ALKBH1: variants seen among roughly 807,000 people sequenced by gnomAD.
ALKBH1 encodes the protein nucleic acid dioxygenase ALKBH1.
A neutral mutation model predicts 36.6 loss-of-function variants in ALKBH1; 31 were observed. That is an observed-to-expected ratio of 0.85 (90% CI 0.64 to 1.14). The LOEUF is 1.14. ALKBH1 is among the 50% of genes most tolerant of loss of function. ALKBH1 has a pLI of 0.00. For synonymous variants in ALKBH1, 183 were observed against 186.6 expected (o/e 0.98, Z 0.16); for missense variants, 490 against 497.3 (o/e 0.99, Z 0.14).
intron 3 of ALKBH1, among the ~76,000 whole-genome samples, chr14:77,685,800 T>A (rs549225705): frequency 3.0e-4 from 46 of 152,198 alleles, no homozygotes; most frequent in Middle Eastern, 3.4e-3. Flanking sequence ...GTTTTTGCGT[T>A]ATATTATAGA....
intron 3 of ALKBH1, among the ~76,000 whole-genome samples, chr14:77,687,726 T>C (rs61992917): frequency 0.1 from 15,549 of 152,140 alleles, 934 homozygotes; most frequent in African/African-American, 0.15. Flanking sequence ...TTCTTCTGTT[T>C]TTCCTCATAT....
rs1237563563 is a variant in ALKBH1, at chr14:77,708,000, C to G, written c.5G>C (p.Gly2Ala). The G allele has an allele frequency of 2.5e-6, 4 of 1,609,242 alleles. No individual in the cohort carries two copies. The highest frequency in any genetic ancestry group is 1.7e-5 in the Admixed American group (1 of 59,532). The change falls in exon 1 of 6, where the codon GGG becomes GCG. Residue 2 changes from glycine to alanine, a missense_variant. Gly to Ala is a moderately conservative substitution (Grantham distance 60, BLOSUM62 0). Coordinates refer to ENST00000216489, the MANE Select transcript of ALKBH1 (RefSeq NM_006020.3). ...AGAGCCCACGGCCGCTGCCATCTTC[C>G]CCATCTCGCGGCCTATACCCTCTGA... is the stretch of plus-strand genomic sequence containing the variant. M[G>A]KMAAAVGSVA...
At chr14:77,703,198 G>C (rs2139866680) in intron 2 of ALKBH1, among the ~76,000 whole-genome samples, 1 of 152,210 alleles carries the variant, frequency 6.6e-6, no homozygotes, top group African/African-American at 2.4e-5. Flanking sequence ...ACCCGGGCTG[G>C]TCGCAAATTC....
intron 4 of ALKBH1, among the ~76,000 whole-genome samples, chr14:77,677,078 C>T (rs533099989): frequency 2.6e-5 from 4 of 151,018 alleles, no homozygotes; most frequent in African/African-American, 9.7e-5. Context: ...CTCGTTCTGT[C>T]ACCCAGGCTG....
At chr14:77,678,417 T>C (rs1050823153) in intron 4 of ALKBH1, among the ~76,000 whole-genome samples, 1 of 152,252 alleles carries the variant, frequency 6.6e-6, no homozygotes, top group African/African-American at 2.4e-5. Context: ...TGGCTGAAAC[T>C]GTGGAGCTTT....
chr14:77,690,798 A>C (rs2080292767), intron 3 of ALKBH1, among the ~76,000 whole-genome samples: 1 of 151,514 alleles, frequency 6.6e-6, no homozygotes, highest in Non-Finnish European at 1.5e-5. Flanking sequence ...AGATGTTTAC[A>C]CATAACTCTT....
At chr14:77,687,479 T>C (rs1007688139) in intron 3 of ALKBH1, among the ~76,000 whole-genome samples, 19 of 145,006 alleles carry the variant, frequency 1.3e-4, no homozygotes, top group Non-Finnish European at 9.1e-5. Flanking sequence ...ACCCTGCTTA[T>C]ACCTCACCTC....
chr14:77,691,442 ACT>A (rs1171413521), intron 3 of ALKBH1, among the ~76,000 whole-genome samples: 2 of 152,046 alleles, frequency 1.3e-5, no homozygotes, highest in African/African-American at 4.8e-5. Context: ...GTTCTGAGAG[ACT>A]CTGGCAAAGT....
chr14:77,681,469 G>T (rs1442285579), intron 3 of ALKBH1, among the ~76,000 whole-genome samples: 1 of 152,208 alleles, frequency 6.6e-6, no homozygotes, highest in Admixed American at 6.5e-5. Flanking sequence ...CACTCATCTT[G>T]ATGTTTGACG....
At chr14:77,699,842 C>T (rs940461918) in intron 2 of ALKBH1, among the ~76,000 whole-genome samples, 2 of 152,098 alleles carry the variant, frequency 1.3e-5, no homozygotes, top group African/African-American at 4.8e-5. Context: ...ATCACGAGGT[C>T]AGGAGATCAA....
At chr14:77,690,144 G>A (rs61992919) in intron 3 of ALKBH1, among the ~76,000 whole-genome samples, 18,753 of 152,120 alleles carry the variant, frequency 0.12, 1,496 homozygotes, top group African/African-American at 0.22. Context: ...TTGATCTAAG[G>A]GAAGAGCTTC....
chr14:77,691,259 C>A (rs988366071), intron 3 of ALKBH1, among the ~76,000 whole-genome samples: 4 of 151,974 alleles, frequency 2.6e-5, no homozygotes, highest in African/African-American at 9.7e-5. Flanking sequence ...TCAAGTATTT[C>A]TTCTTCATTT....
intron 4 of ALKBH1, among the ~76,000 whole-genome samples, chr14:77,676,450 T>C (rs2080206560): frequency 6.6e-6 from 1 of 152,192 alleles, no homozygotes; most frequent in African/African-American, 2.4e-5. Flanking sequence ...GAGACAGTTC[T>C]ATTAGGGTAA....
chr14:77,678,070 A>G (rs1447272665), intron 4 of ALKBH1, among the ~76,000 whole-genome samples: 1 of 144,242 alleles, frequency 6.9e-6, no homozygotes, highest in East Asian at 2.1e-4. Flanking sequence ...CAATATCAAC[A>G]GTAAAAATAT....
chr14:77,681,868 G>T (rs1595049595), intron 3 of ALKBH1, among the ~76,000 whole-genome samples: 2 of 152,212 alleles, frequency 1.3e-5, no homozygotes, highest in Admixed American at 1.3e-4. Context: ...CACAGATTTT[G>T]TCACAACCCA....
chr14:77,686,192 C>T (rs974734429), intron 3 of ALKBH1, among the ~76,000 whole-genome samples: 1 of 152,112 alleles, frequency 6.6e-6, no homozygotes, highest in Non-Finnish European at 1.5e-5. Context: ...AAGATTTGTT[C>T]TTGAACACTG....
In ALKBH1 at chr14:77,694,805, T is replaced by C; in HGVS notation, c.388A>G (p.Asn130Asp). 6.2e-7 allele frequency: 1 copy of C among 1,608,732 alleles called. No homozygotes were observed. The highest frequency in any genetic ancestry group is 8.5e-7 in the Non-Finnish European group (1 of 1,177,672). ...TCTTTAGACATGTGTTTGTCCAGGT[T>C]ACATACATTAGGTTTCTGGGAATAT... ...KLYSQKPNVC[N>D]LDKHMSKEET... Residue 130 changes from asparagine (N) to aspartate (D), a missense_variant, in exon 3 of 6, where the codon AAC becomes GAC. Physicochemically the swap from Asn to Asp is conservative, Grantham distance 23. Transcript: ENST00000216489.
intron 3 of ALKBH1, among the ~76,000 whole-genome samples, chr14:77,688,306 G>C (rs1012157640): frequency 6.0e-5 from 9 of 151,220 alleles, no homozygotes; most frequent in Admixed American, 1.3e-4. Context: ...CGCCAGGCTG[G>C]AGTGCAGTGG....
intron 4 of ALKBH1, among the ~76,000 whole-genome samples, chr14:77,676,528 TATCCTGGATAAG>T (rs1189601699): frequency 6.6e-6 from 1 of 152,156 alleles, no homozygotes; most frequent in African/African-American, 2.4e-5. Flanking sequence ...TATAATGTAG[TATCCTGGATAAG>T]ATCCTGGATA....
Sources: gnomAD v4.1 joint callset for allele counts (sites outside exome capture counted in the v4.1 genomes callset) on GRCh38, gnomAD v4.1.1 for gene constraint, MANE v1.5 for transcripts, NCBI Gene and HGNC (gene_info 2026-07-23, HGNC 2026-07-21) for gene names.